JHY: variants seen among roughly 807,000 people sequenced by gnomAD.
JHY encodes junctional cadherin complex regulator.
A neutral mutation model predicts 78.0 loss-of-function variants in JHY; 69 were observed. That is an observed-to-expected ratio of 0.88 (90% confidence interval 0.73 to 1.08). The LOEUF is 1.08. Ranked by LOEUF, JHY falls within the 50% of genes least tolerant of loss-of-function variation. JHY has a pLI of 0.00. For missense variants in JHY, 944 were observed against 927.8 expected (o/e 1.02, Z -0.23); for synonymous variants, 368 against 342.6 (o/e 1.07, Z -0.82).
intron 5 of JHY, 59 bp from the exon 6 acceptor site, chr11:122,946,439 A>C: frequency 1.3e-6 from 2 of 1,492,974 alleles, no homozygotes; most frequent in Non-Finnish European, 1.8e-6. Flanking sequence ...CTTTTATGCT[A>C]GATGTCTTAT....
chr11:122,920,195 C>T lies in JHY; in HGVS notation c.865-4702C>T, dbSNP rs187466191. 1.6e-3 allele frequency among the ~76,000 whole-genome samples: 250 copies of T among 152,314 alleles called. 1 individual carries two copies. The highest frequency in any genetic ancestry group is 5.8e-3 in the Admixed American group (88 of 15,304). ...AAGAAATAAATACTTCAGCTCACTC[C>T]TTAGCCAAGTTAATGGAGAAATGCT... On this transcript the variant is annotated intron_variant, in intron 3 of 8. Coordinates refer to ENST00000227349, the MANE Select transcript of JHY (RefSeq NM_024806.4).
chr11:122,912,674 G>A (rs1003525062), intron 3 of JHY, among the ~76,000 whole-genome samples: 8 of 152,032 alleles, frequency 5.3e-5, no homozygotes, highest in East Asian at 1.9e-4. Context: ...CCGGGAGGCC[G>A]AGGCTGCAGT....
Position 122,960,997 on chromosome 11 carries a change from T to TG in JHY, c.*1552_*1553insG. On this transcript the variant is annotated 3_prime_UTR_variant, in exon 9 of 9. Coordinates refer to ENST00000227349, the MANE Select transcript of JHY (RefSeq NM_024806.4). ...CACATGATAAATTGGGTGCAGAGCA[T>TG]CTCTGCACAACAGGAAAAGGAGACA... The TG allele has an allele frequency of 1.1e-6, 1 of 889,204 alleles. No individual in the cohort carries two copies. The highest frequency in any genetic ancestry group is 1.9e-6 in the Non-Finnish European group (1 of 531,960). The allele number at this position is 889,204 out of a possible 1,614,324, so 55.1% of individuals were successfully genotyped here.
chr11:122,920,982 G>A (rs1863351178), intron 3 of JHY, among the ~76,000 whole-genome samples: 1 of 151,684 alleles, frequency 6.6e-6, no homozygotes, highest in African/African-American at 2.4e-5. Context: ...TGCTCAAAAT[G>A]CAATTTCATT....
chr11:122,925,826 G>A (rs1863485048), intron 4 of JHY, among the ~76,000 whole-genome samples: 1 of 151,892 alleles, frequency 6.6e-6, no homozygotes, highest in Non-Finnish European at 1.5e-5. Flanking sequence ...GACCAGCCCG[G>A]CCAATATGGT....
At chr11:122,953,401 G>A (rs920013835) in intron 6 of JHY, among the ~76,000 whole-genome samples, 2 of 151,928 alleles carry the variant, frequency 1.3e-5, no homozygotes. Context: ...TCAGGAGTTC[G>A]AGACCAGCCT....
At chr11:122,886,380 A>G (rs1226468560) in intron 2 of JHY, among the ~76,000 whole-genome samples, 187 bp downstream of exon 2, 1 of 152,134 alleles carries the variant, frequency 6.6e-6, no homozygotes, top group Non-Finnish European at 1.5e-5. Flanking sequence ...TTTTAATTAA[A>G]AAGTGCAATG....
chr11:122,899,484 G>A (rs1043203435), intron 2 of JHY, among the ~76,000 whole-genome samples: 1 of 152,070 alleles, frequency 6.6e-6, no homozygotes, highest in African/African-American at 2.4e-5. Context: ...GTTTAGATTC[G>A]AATTTATTAC....
At chr11:122,943,925 G>A (rs1437386554) in intron 5 of JHY, among the ~76,000 whole-genome samples, 1 of 152,058 alleles carries the variant, frequency 6.6e-6, no homozygotes, top group Non-Finnish European at 1.5e-5. Flanking sequence ...AAAACTATAG[G>A]CCAGGTGCAG....
At chr11:122,922,275 ATC>A (rs533881602) in intron 3 of JHY, among the ~76,000 whole-genome samples, 235 of 152,338 alleles carry the variant, frequency 1.5e-3, no homozygotes, top group African/African-American at 5.3e-3. Flanking sequence ...TATCTGCCCT[ATC>A]TCTCTATATA....
chr11:122,890,943 T>TAA (rs780898917), intron 2 of JHY, among the ~76,000 whole-genome samples: 3 of 152,170 alleles, frequency 2.0e-5, no homozygotes, highest in Non-Finnish European at 4.4e-5. Context: ...TTTGGGTAAA[T>TAA]AATGCCTCAA....
chr11:122,951,890 A>G (rs1472264382), intron 6 of JHY, among the ~76,000 whole-genome samples: 1 of 152,164 alleles, frequency 6.6e-6, no homozygotes, highest in African/African-American at 2.4e-5. Context: ...TACAAAGACT[A>G]GCAGCAAATC....
chr11:122,948,087 C>A (rs11218901), intron 6 of JHY, among the ~76,000 whole-genome samples: 1 of 152,000 alleles, frequency 6.6e-6, no homozygotes, highest in East Asian at 1.9e-4. Flanking sequence ...GAAGGGCCTC[C>A]GCGCTAAGAC....
intron 3 of JHY, among the ~76,000 whole-genome samples, chr11:122,914,240 G>A (rs1863188937): frequency 6.6e-6 from 1 of 152,134 alleles, no homozygotes; most frequent in Admixed American, 6.5e-5. Flanking sequence ...GTCTCCTAAT[G>A]TGGAAGGTTG....
At chr11:122,941,825 A>G (rs920618530) in intron 5 of JHY, among the ~76,000 whole-genome samples, 13 of 152,178 alleles carry the variant, frequency 8.5e-5, no homozygotes, top group Non-Finnish European at 1.9e-4. Flanking sequence ...GGTAAGGACC[A>G]TGACAAGAAA....
intron 7 of JHY, 69 bp from the exon 8 acceptor site, chr11:122,957,294 T>A: frequency 6.9e-7 from 1 of 1,455,996 alleles, no homozygotes. Context: ...AACCAGGGCA[T>A]CGCTTTAAAT....
chr11:122,959,249 C>T lies in JHY; in HGVS notation c.2141C>T (p.Ala714Val), dbSNP rs1565342198. The T allele has an allele frequency of 6.2e-7, 1 of 1,613,282 alleles. No homozygotes were observed. The highest frequency in any genetic ancestry group is 8.5e-7 in the Non-Finnish European group (1 of 1,179,770). Reference protein sequence around the residue: ...QKKSAIPRQKALEYAKTIPKP... With the variant: ...QKKSAIPRQKVLEYAKTIPKP... ...AAAATTTCATCTTTATGCGTTTAGG[C>T]TTTGGAATACGCTAAGACCATCCCC... Residue 714 changes from alanine to valine, a missense_variant and splice_region_variant, in exon 9 of 9, where the codon GCT (alanine) becomes GTT (valine). Transcript: ENST00000227349.
intron 3 of JHY, among the ~76,000 whole-genome samples, chr11:122,910,395 C>T (rs1015383835): frequency 6.6e-6 from 1 of 151,474 alleles, no homozygotes; most frequent in East Asian, 1.9e-4. Flanking sequence ...TGTCTGAGCT[C>T]GGGAGGCAGG....
chr11:122,957,556 C>A, intron 8 of JHY, 65 bp downstream of exon 8: 3 of 981,074 alleles, frequency 3.1e-6, no homozygotes, highest in Non-Finnish European at 4.0e-6. Flanking sequence ...TTTATTATCG[C>A]TTTTTTTTTT....
Sources: allele counts gnomAD v4.1 joint callset (sites outside exome capture counted in the v4.1 genomes callset), GRCh38; gene constraint gnomAD v4.1.1; transcripts MANE v1.5; gene names NCBI Gene and HGNC (gene_info 2026-07-23, HGNC 2026-07-21).